MTCL2: variants seen among roughly 807,000 people sequenced by gnomAD.
MTCL2 encodes the protein microtubule cross-linking factor 2.
the MTCL2 span, among the ~76,000 whole-genome samples, chr20:36,789,176 A>G: frequency 3.9e-5 from 6 of 152,224 alleles, no homozygotes; most frequent in African/African-American, 7.2e-5. Flanking sequence ...CATACTGAAC[A>G]ATATTTGGAT....
the MTCL2 span, among the ~76,000 whole-genome samples, chr20:36,813,023 C>T: frequency 6.6e-6 from 1 of 152,244 alleles, no homozygotes; most frequent in Non-Finnish European, 1.5e-5. Flanking sequence ...GCTGGGGGCA[C>T]TGCTGCCGTT....
At chr20:36,802,767 G>T in the MTCL2 span, 1 of 1,453,796 alleles carries the variant, frequency 6.9e-7, no homozygotes, top group South Asian at 1.4e-5. Flanking sequence ...CCTAGATCCA[G>T]CTATACCTGA....
chr20:36,852,360 G>A, the MTCL2 span, among the ~76,000 whole-genome samples: 581 of 152,256 alleles, frequency 3.8e-3, 4 homozygotes, highest in Non-Finnish European at 6.2e-3. Context: ...GGAGTGGGCC[G>A]GCAGTGGCCA....
chr20:36,816,027 C>T, the MTCL2 span: 1 of 1,613,650 alleles, frequency 6.2e-7, no homozygotes, highest in Non-Finnish European at 8.5e-7. Context: ...CCGCAGGCCT[C>T]GGTTCTCCAC....
chr20:36,820,581 C>A, the MTCL2 span, among the ~76,000 whole-genome samples: 1 of 152,192 alleles, frequency 6.6e-6, no homozygotes, highest in Non-Finnish European at 1.5e-5. Flanking sequence ...GTGGCTCATG[C>A]CTGTAATTCC....
At chr20:36,845,025 AAGAAG>A in the MTCL2 span, among the ~76,000 whole-genome samples, 27 of 132,268 alleles carry the variant, frequency 2.0e-4, no homozygotes, top group Non-Finnish European at 3.5e-4. Context: ...AAAAAAAAAA[AAGAAG>A]AAGAAGAAGA....
the MTCL2 span, among the ~76,000 whole-genome samples, chr20:36,790,176 A>G: frequency 6.7e-6 from 1 of 149,418 alleles, no homozygotes; most frequent in African/African-American, 2.5e-5. Context: ...TATTTTTAGT[A>G]GAGACGGGGT....
chr20:36,787,616 G>A, the MTCL2 span, among the ~76,000 whole-genome samples: 36,219 of 151,808 alleles, frequency 0.24, 5,035 homozygotes, highest in East Asian at 0.47. Context: ...TGCCAGGCAC[G>A]GTGGCTCATG....
At chr20:36,817,748 G>A in the MTCL2 span, among the ~76,000 whole-genome samples, 1 of 152,176 alleles carries the variant, frequency 6.6e-6, no homozygotes, top group South Asian at 2.1e-4. Flanking sequence ...TGACCCAGTT[G>A]GCCTCGGCGA....
At chr20:36,815,831 G>C in the MTCL2 span, 8 of 1,597,962 alleles carry the variant, frequency 5.0e-6, no homozygotes, top group Non-Finnish European at 6.8e-6. This position sits in a 1 kb window ranked among gnomAD's most constrained non-coding sequence, Gnocchi z 5.3. Context: ...GCAGCAGCTT[G>C]TTCTGGTCCT....
the MTCL2 span, among the ~76,000 whole-genome samples, chr20:36,856,461 C>T: frequency 6.6e-6 from 1 of 152,252 alleles, no homozygotes; most frequent in African/African-American, 2.4e-5. Context: ...ATAGGGCCAG[C>T]AGGAAATTCC....
the MTCL2 span, among the ~76,000 whole-genome samples, chr20:36,800,466 C>A: frequency 6.6e-6 from 1 of 152,196 alleles, no homozygotes; most frequent in Non-Finnish European, 1.5e-5. Flanking sequence ...CAAGTGTGAA[C>A]CTCAAAGGAG....
At chr20:36,863,322 G>A in the MTCL2 span, 4 of 1,179,624 alleles carry the variant, frequency 3.4e-6, no homozygotes, top group Non-Finnish European at 4.2e-6. The surrounding 1 kb of genome is among the most constrained non-coding windows in gnomAD (Gnocchi z 6.2). Context: ...CCGGACCGGG[G>A]GCTCGGCCGC....
At chr20:36,794,932 CTTT>C in the MTCL2 span, among the ~76,000 whole-genome samples, 1 of 147,282 alleles carries the variant, frequency 6.8e-6, no homozygotes, top group Non-Finnish European at 1.5e-5. The surrounding 1 kb of genome is among the most constrained non-coding windows in gnomAD (Gnocchi z 5.4). Flanking sequence ...CCAAACCTGG[CTTT>C]TTTTTTTCTT....
the MTCL2 span, among the ~76,000 whole-genome samples, chr20:36,791,296 G>C: frequency 6.6e-6 from 1 of 152,122 alleles, no homozygotes; most frequent in East Asian, 1.9e-4. Context: ...GCCTCCCAAA[G>C]TGCTGGGATT....
At chr20:36,827,252 C>T in the MTCL2 span, among the ~76,000 whole-genome samples, 1 of 151,682 alleles carries the variant, frequency 6.6e-6, no homozygotes, top group African/African-American at 2.4e-5. Context: ...GGGGTTTCGC[C>T]ATGTTGGCCA....
chr20:36,862,767 A>G, the MTCL2 span: 1 of 1,443,360 alleles, frequency 6.9e-7, no homozygotes, highest in Non-Finnish European at 9.1e-7. Context: ...CGAGGCGCTG[A>G]GCGGCAAGCG....
chr20:36,810,016 T>C, the MTCL2 span: 1 of 1,601,496 alleles, frequency 6.2e-7, no homozygotes, highest in Non-Finnish European at 8.5e-7. Flanking sequence ...GTCGGCCTCC[T>C]CCTTTCGTAG....
chr20:36,818,038 T>A, the MTCL2 span, among the ~76,000 whole-genome samples: 1 of 152,132 alleles, frequency 6.6e-6, no homozygotes, highest in African/African-American at 2.4e-5. Context: ...CAGGGATGGG[T>A]CCATGACCCC....
Sources: allele counts gnomAD v4.1 joint callset (sites outside exome capture counted in the v4.1 genomes callset), GRCh38; gene constraint gnomAD v4.1.1; non-coding constraint Gnocchi (gnomAD v3.1); transcripts MANE v1.5; gene names NCBI Gene and HGNC (gene_info 2026-07-23, HGNC 2026-07-21).